Variants in SOX6 observed in about 807,000 individuals in gnomAD.
SOX6 encodes SRY-box transcription factor 6, also known as transcription factor SOX-6.
In SOX6, 11 loss-of-function variants were observed where a neutral mutation model predicts 97.8. That is an observed-to-expected ratio of 0.11 (90% CI 0.07 to 0.19). The LOEUF is 0.19. Among genes scored for constraint, SOX6 ranks in the 10% least tolerant of loss-of-function variants. The pLI, the probability that SOX6 is intolerant of heterozygous loss-of-function variation, is 1.00. For missense variants in SOX6, 810 were observed against 1,039.5 expected, an observed-to-expected ratio of 0.78 and a Z score of 3.04; for synonymous variants, 360 against 371.4, an observed-to-expected ratio of 0.97 and a Z score of 0.35.
chr11:16,029,375 T>C (rs565875332), intron 12 of SOX6, among the ~76,000 whole-genome samples: 19 of 152,048 alleles, frequency 1.2e-4, no homozygotes, highest in Non-Finnish European at 1.9e-4. Flanking sequence ...TGGTGGCTCA[T>C]GCCTGTAATT....
intron 4 of SOX6, among the ~76,000 whole-genome samples, chr11:16,196,239 G>A (rs1299996902): frequency 6.6e-6 from 1 of 152,174 alleles, no homozygotes; most frequent in East Asian, 1.9e-4. Flanking sequence ...GGAAACTGAA[G>A]CATGCAAAAG....
intron 4 of SOX6, among the ~76,000 whole-genome samples, chr11:16,491,635 T>A (rs1441110010): frequency 2.6e-5 from 4 of 152,092 alleles, no homozygotes; most frequent in African/African-American, 7.2e-5. Context: ...ATAGACTTGA[T>A]CTATCAGATA....
At chr11:16,275,214 G>A (rs2134235043) in intron 3 of SOX6, among the ~76,000 whole-genome samples, 1 of 151,872 alleles carries the variant, frequency 6.6e-6, no homozygotes, top group African/African-American at 2.4e-5. Flanking sequence ...GCCCGAGGCG[G>A]GCGGATCACG....
rs533625332 is a variant in SOX6, at chr11:16,713,325, T to C, written n.429+1505A>G. Among the ~76,000 whole-genome samples, 4 of 152,290 alleles carry C rather than the reference T, an allele frequency of 2.6e-5. No homozygotes were observed. In the East Asian group the frequency reaches 5.8e-4, roughly 22 times the overall value. ...TACATTGCCAAAATCTTTTACTAAA[T>C]TGTTTTTAAAAGAAAAATTTGAGAA... On this transcript the variant is annotated intron_variant and non_coding_transcript_variant, in intron 3 of 5. Coordinates refer to the SOX6 transcript ENST00000524520.
chr11:16,071,520 G>C (rs571797094), intron 9 of SOX6, among the ~76,000 whole-genome samples: 5 of 150,582 alleles, frequency 3.3e-5, no homozygotes, highest in Admixed American at 3.3e-4. Flanking sequence ...TTTGCAAGGG[G>C]ACACAGCCTC....
intron 13 of SOX6, among the ~76,000 whole-genome samples, chr11:16,013,708 C>T (rs1259797733): frequency 1.1e-4 from 16 of 151,784 alleles, no homozygotes; most frequent in African/African-American, 3.6e-4. Flanking sequence ...CCTGGTCTCC[C>T]AAACTATCAT....
intron 4 of SOX6, among the ~76,000 whole-genome samples, chr11:16,566,035 G>T (rs2133195452): frequency 6.7e-6 from 1 of 150,172 alleles, no homozygotes; most frequent in South Asian, 2.1e-4. Flanking sequence ...GGTGGAGCTT[G>T]CAGTGAGCCG....
chr11:16,630,643 A>C (rs7120884), intron 3 of SOX6, among the ~76,000 whole-genome samples: 151,289 of 152,184 alleles, frequency 0.99, 75,209 homozygotes, highest in East Asian at 1. Context: ...AAAATTTGTT[A>C]GTTTTCTGCC....
At chr11:16,402,271 T>A (rs893705823) in intron 1 of SOX6, among the ~76,000 whole-genome samples, 1 of 151,714 alleles carries the variant, frequency 6.6e-6, no homozygotes, top group African/African-American at 2.4e-5. Flanking sequence ...AACAGTTTCC[T>A]GTAAACTTTC....
At chr11:16,256,259 C>T (rs936677952) in intron 3 of SOX6, among the ~76,000 whole-genome samples, 3 of 151,712 alleles carry the variant, frequency 2.0e-5, no homozygotes, top group Admixed American at 2.0e-4. Context: ...AAATAAAAAC[C>T]ATACATCAGT....
At chr11:16,207,301 C>T (rs1852097647) in intron 4 of SOX6, among the ~76,000 whole-genome samples, 1 of 152,090 alleles carries the variant, frequency 6.6e-6, no homozygotes, top group Non-Finnish European at 1.5e-5. Context: ...AGCCCTCAAA[C>T]TGATGAAAAG....
chr11:16,495,303 G>C (rs1214503369), intron 4 of SOX6, among the ~76,000 whole-genome samples: 1 of 152,144 alleles, frequency 6.6e-6, no homozygotes, highest in African/African-American at 2.4e-5. Flanking sequence ...AGTCACTGCT[G>C]TCCCCTCTCA....
chr11:16,313,080 G>C (rs953093582), intron 3 of SOX6: 10 of 152,082 alleles, frequency 6.6e-5, no homozygotes, highest in African/African-American at 2.2e-4. Flanking sequence ...AGTTTCAGAG[G>C]GGGCACTTCA....
intron 6 of SOX6, among the ~76,000 whole-genome samples, chr11:16,129,501 T>A (rs915184753): frequency 6.6e-6 from 1 of 152,134 alleles, no homozygotes; most frequent in African/African-American, 2.4e-5. Context: ...AAAATATAAA[T>A]TGAATTATTT....
chr11:16,160,403 T>C (rs536030471), intron 6 of SOX6, among the ~76,000 whole-genome samples: 1 of 152,298 alleles, frequency 6.6e-6, no homozygotes, highest in East Asian at 1.9e-4. Context: ...ATGGAAGCTG[T>C]ATGTTTTACA....
intron 4 of SOX6, among the ~76,000 whole-genome samples, chr11:16,190,527 T>C: frequency 6.6e-6 from 1 of 152,250 alleles, no homozygotes; most frequent in Middle Eastern, 3.2e-3. Flanking sequence ...ATGAAGTATG[T>C]GAAAGAATGT....
intron 3 of SOX6, among the ~76,000 whole-genome samples, chr11:16,653,926 T>A (rs1847688351): frequency 6.6e-6 from 1 of 151,790 alleles, no homozygotes; most frequent in Non-Finnish European, 1.5e-5. Flanking sequence ...AATATTTATA[T>A]AAAAACACAA....
chr11:16,168,228 T>C (rs573882899), intron 6 of SOX6, among the ~76,000 whole-genome samples: 2 of 152,228 alleles, frequency 1.3e-5, no homozygotes, highest in African/African-American at 4.8e-5. Flanking sequence ...TAGACTAGAA[T>C]TGGCAATTCT....
intron 3 of SOX6, among the ~76,000 whole-genome samples, chr11:16,653,154 T>G (rs1046190074): frequency 1.3e-5 from 2 of 152,214 alleles, no homozygotes; most frequent in Admixed American, 1.3e-4. Flanking sequence ...AGGGAACACT[T>G]ACACACTGCT....
Sources: gnomAD v4.1 joint callset for allele counts (sites outside exome capture counted in the v4.1 genomes callset) on GRCh38, gnomAD v4.1.1 for gene constraint, MANE v1.5 for transcripts, NCBI Gene and HGNC (gene_info 2026-07-23, HGNC 2026-07-21) for gene names.